SLC24A4: variants seen among roughly 807,000 people sequenced by gnomAD.
The protein encoded by SLC24A4 is sodium/potassium/calcium exchanger 4.
A neutral mutation model predicts 79.0 loss-of-function variants in SLC24A4; 53 were observed. The ratio of observed to expected loss-of-function variants is 0.67; its 90% CI spans 0.54 to 0.84. The LOEUF is 0.84. Ranked by LOEUF, SLC24A4 falls within the 40% of genes least tolerant of loss-of-function variation. The pLI, the probability that SLC24A4 is intolerant of heterozygous loss-of-function variation, is 0.00. For missense variants in SLC24A4, 731 were observed against 822.0 expected (o/e 0.89, Z 1.35); for synonymous variants, 323 against 323.8 (o/e 1.00, Z 0.03).
chr14:92,336,121 A>G (rs1028575612), intron 2 of SLC24A4, among the ~76,000 whole-genome samples: 1 of 151,998 alleles, frequency 6.6e-6, no homozygotes, highest in Non-Finnish European at 1.5e-5. Flanking sequence ...ACCACAATCC[A>G]GAGAGCGCCC....
In SLC24A4 at chr14:92,323,754, G is replaced by A. The variant is rs1884935132; in HGVS notation, c.-77G>A. The A allele has an allele frequency of 1.3e-6, 2 of 1,484,206 alleles. No homozygotes were observed. Among genetic ancestry groups the A allele is most frequent in the Non-Finnish European group, 1.8e-6 (2 of 1,118,562 alleles). The allele number at this position is 1,484,206 out of a possible 1,614,324, so 91.9% of individuals were successfully genotyped here. A position where few individuals can be genotyped will look rare whatever the true frequency, so the allele number is the denominator to read the frequency against. ...GCGCACCGCCTGCTCCAGCCCCAGC[G>A]CCGCTCGGCCACTGATTGCACTCTG... On this transcript the variant is annotated 5_prime_UTR_variant, in exon 1 of 17. Transcript: ENST00000532405. This position sits in a 1 kb window ranked among gnomAD's most constrained non-coding sequence, Gnocchi z 4.9.
At chr14:92,400,554 G>A (rs1334710055) in intron 2 of SLC24A4, among the ~76,000 whole-genome samples, 2 of 151,942 alleles carry the variant, frequency 1.3e-5, no homozygotes, top group African/African-American at 4.8e-5. Flanking sequence ...GGACACAGTC[G>A]CCTTCTTTGG....
Position 92,353,049 on chromosome 14 carries a change from T to C in SLC24A4, c.241+27071T>C, listed in dbSNP as rs1886979854. Among the ~76,000 whole-genome samples, 1 of 152,206 alleles carries C rather than the reference T, an allele frequency of 6.6e-6. No homozygotes were observed. The highest frequency in any genetic ancestry group is 2.4e-5 in the African/African-American group (1 of 41,458). ...ATATGATTCAAAATTCAAAAAGCAC[T>C]GGAGATGATAAAATAAAACCTCTGT... On this transcript the variant is annotated intron_variant, in intron 2 of 16. Coordinates refer to ENST00000532405, the MANE Select transcript of SLC24A4 (RefSeq NM_153646.4). The surrounding 1 kb of genome is among the most constrained non-coding windows in gnomAD (Gnocchi z 4.1).
chr14:92,402,775 C>T (rs554875460), intron 2 of SLC24A4, among the ~76,000 whole-genome samples: 1 of 152,250 alleles, frequency 6.6e-6, no homozygotes, highest in South Asian at 2.1e-4. Flanking sequence ...TATTCACAAT[C>T]ATGAGGACAG....
chr14:92,347,904 T>A (rs1423444129), intron 2 of SLC24A4, among the ~76,000 whole-genome samples: 2 of 152,116 alleles, frequency 1.3e-5, no homozygotes, highest in Non-Finnish European at 2.9e-5. Context: ...CCAGCCTGGG[T>A]GACAGAGCGA....
chr14:92,474,665 G>GTATATATATATATACACATATATA (rs1894615595), intron 12 of SLC24A4, among the ~76,000 whole-genome samples: 1 of 110,272 alleles, frequency 9.1e-6, no homozygotes, highest in African/African-American at 3.5e-5. Flanking sequence ...TTGTGTGTGT[G>GTATATATATATATACACATATATA]TGTATATATA....
At chr14:92,492,123 G>T in intron 15 of SLC24A4, 52 bp from the exon 16 acceptor site, 1 of 1,542,440 alleles carries the variant, frequency 6.5e-7, no homozygotes, top group South Asian at 1.1e-5. Context: ...TTTCTGGATG[G>T]ATTGGCTCTG....
rs1952322 is a variant in SLC24A4, at chr14:92,494,127, G to C, written c.*499G>C. 101,316 of 154,520 alleles carry C rather than the reference G, an allele frequency of 0.66. 33,434 individuals are homozygous for C. The highest frequency in any genetic ancestry group is 0.68 in the Non-Finnish European group (47,349 of 69,154). 9.6% of individuals were successfully genotyped at this position (154,520 alleles called of 1,614,324 possible). A position where few individuals can be genotyped will look rare whatever the true frequency, so the allele number is the denominator to read the frequency against. Reference sequence around the variant, plus strand: ...GAGCCTCTGACTTTTGCTGGAAGCAGCCACAGTTTGGAAGGGGCAAGACCT... The same window carrying C: ...GAGCCTCTGACTTTTGCTGGAAGCACCCACAGTTTGGAAGGGGCAAGACCT... On this transcript the variant is annotated 3_prime_UTR_variant, in exon 17 of 17. Coordinates refer to ENST00000532405, the MANE Select transcript of SLC24A4 (RefSeq NM_153646.4). This position sits in a 1 kb window ranked among gnomAD's most constrained non-coding sequence, Gnocchi z 4.6.
rs544511997 is a variant in SLC24A4 at position 92,496,453 on chromosome 14, T to G, written c.*2825T>G. 6.6e-6 allele frequency: 1 copy of G among 152,272 alleles called. No individual in the cohort carries two copies. Among genetic ancestry groups the G allele is most frequent in the Non-Finnish European group, 1.5e-5 (1 of 68,016 alleles). 9.4% of individuals were successfully genotyped at this position (152,272 alleles called of 1,614,324 possible). ...AAATAGGCAATTTAAAAAAATGAAT[T>G]TAGCTCTTCTCATTGGGGGCAGAAA... On this transcript the variant is annotated 3_prime_UTR_variant, in exon 17 of 17. Transcript: ENST00000532405.
chr14:92,484,659 C>A, intron 13 of SLC24A4: 1 of 985,420 alleles, frequency 1.0e-6, no homozygotes, highest in South Asian at 4.7e-5. Context: ...AACACCCTGG[C>A]CTTGGTTCAG....
In SLC24A4 at chr14:92,496,928, C is replaced by G. The variant is rs114635874; in HGVS notation, c.*3300C>G. 0.026 allele frequency: 3,968 copies of G among 152,416 alleles called. 169 individuals carry two copies. Among genetic ancestry groups the G allele is most frequent in the African/African-American group, 0.09 (3,730 of 41,536 alleles). 9.4% of individuals were successfully genotyped at this position (152,416 alleles called of 1,614,324 possible). A position where few individuals can be genotyped will look rare whatever the true frequency, so the allele number is the denominator to read the frequency against. The stretch of plus-strand genomic sequence containing the variant: ...GTTCAAGCAATTCTTGTGCCTCAGC[C>G]TCCTGAGGATTACAGGCGTGCGCCA... On this transcript the variant is annotated 3_prime_UTR_variant, in exon 17 of 17. Coordinates refer to ENST00000532405, the MANE Select transcript of SLC24A4 (RefSeq NM_153646.4).
At chr14:92,477,038 T>C (rs1046614980) in intron 12 of SLC24A4, among the ~76,000 whole-genome samples, 4 of 152,230 alleles carry the variant, frequency 2.6e-5, no homozygotes, top group Non-Finnish European at 1.5e-5. Context: ...GGTATGGACA[T>C]ATATTTTTAT....
At chr14:92,410,190 TA>T (rs1399997429) in intron 2 of SLC24A4, among the ~76,000 whole-genome samples, 1 of 152,076 alleles carries the variant, frequency 6.6e-6, no homozygotes, top group Admixed American at 6.6e-5. Context: ...AATAAATGTT[TA>T]AAAAAAGAGA....
chr14:92,360,785 G>A (rs181358802), intron 2 of SLC24A4, among the ~76,000 whole-genome samples: 16 of 152,258 alleles, frequency 1.1e-4, no homozygotes, highest in Non-Finnish European at 1.9e-4. Context: ...GCTAGTAAGC[G>A]ACAAACTCGG....
intron 2 of SLC24A4, among the ~76,000 whole-genome samples, chr14:92,363,785 G>A (rs903720518): frequency 1.3e-5 from 2 of 151,896 alleles, no homozygotes; most frequent in Non-Finnish European, 2.9e-5. Flanking sequence ...AGCTGAGATC[G>A]CGCCACTGTA....
At chr14:92,365,446 T>G (rs1887776302) in intron 2 of SLC24A4, among the ~76,000 whole-genome samples, 3 of 152,178 alleles carry the variant, frequency 2.0e-5, no homozygotes, top group Non-Finnish European at 4.4e-5. Context: ...CAGGAGGGCT[T>G]AGGTGGACAC....
intron 2 of SLC24A4, among the ~76,000 whole-genome samples, chr14:92,348,084 G>C (rs1886644114): frequency 6.6e-6 from 1 of 152,214 alleles, no homozygotes; most frequent in South Asian, 2.1e-4. Flanking sequence ...CCCCACAGAT[G>C]ATGACCCAGG....
chr14:92,465,509 G>A (rs1012301181), intron 12 of SLC24A4, among the ~76,000 whole-genome samples: 2 of 152,210 alleles, frequency 1.3e-5, no homozygotes, highest in Non-Finnish European at 2.9e-5. Context: ...CTGTGGGAGT[G>A]TCTGCAGTGC....
At chr14:92,470,265 T>A (rs752213636) in intron 12 of SLC24A4, among the ~76,000 whole-genome samples, 1 of 152,180 alleles carries the variant, frequency 6.6e-6, no homozygotes, top group Non-Finnish European at 1.5e-5. Flanking sequence ...TACACTCAAA[T>A]TTGAGAACCA....
Sources: gnomAD v4.1 joint callset for allele counts (sites outside exome capture counted in the v4.1 genomes callset) on GRCh38, gnomAD v4.1.1 for gene constraint, Gnocchi (gnomAD v3.1) non-coding constraint, MANE v1.5 for transcripts, NCBI Gene and HGNC (gene_info 2026-07-23, HGNC 2026-07-21) for gene names.